IQSEC1: variants seen among roughly 807,000 people sequenced by gnomAD.
The protein encoded by IQSEC1 is IQ motif and Sec7 domain ArfGEF 1.
A neutral mutation model predicts 91.0 loss-of-function variants in IQSEC1; 31 were observed. The ratio of observed to expected loss-of-function variants is 0.34; its 90% CI spans 0.26 to 0.46. IQSEC1 has a LOEUF of 0.46. Ranked by LOEUF, IQSEC1 falls within the 20% of genes least tolerant of loss-of-function variation. The pLI, the probability that IQSEC1 is intolerant of heterozygous loss-of-function variation, is 1.00. For synonymous variants in IQSEC1, 699 were observed against 662.6 expected (o/e 1.05, Z -0.84); for missense variants, 1,388 against 1,575.6 (o/e 0.88, Z 2.02).
At chr3:13,116,438 C>A (rs908095271) in intron 2 of IQSEC1, among the ~76,000 whole-genome samples, 1 of 152,148 alleles carries the variant, frequency 6.6e-6, no homozygotes. Context: ...GAATAGAGAG[C>A]CCAGAAATAA....
intron 2 of IQSEC1, among the ~76,000 whole-genome samples, chr3:13,100,029 G>A (rs1270787454): frequency 8.0e-6 from 1 of 124,542 alleles, no homozygotes; most frequent in Non-Finnish European, 1.7e-5. Flanking sequence ...CTTCACTCTG[G>A]CGCAGGAGCC....
At chr3:12,901,761 C>G (rs1694336597) in intron 13 of IQSEC1, among the ~76,000 whole-genome samples, 1 of 152,064 alleles carries the variant, frequency 6.6e-6, no homozygotes, top group Non-Finnish European at 1.5e-5. Context: ...GGGGAGGGGC[C>G]CATCTCTCTG....
rs576931892 is a variant in IQSEC1 at position 12,897,933 on chromosome 3, T to TA, written c.*3049dup. The TA allele has an allele frequency of 5.3e-5, 8 of 152,236 alleles. No individual in the cohort carries two copies. The highest frequency in any genetic ancestry group is 2.0e-4 in the Admixed American group (3 of 15,286). 9.4% of individuals were successfully genotyped at this position (152,236 alleles called of 1,614,324 possible). ...TTGTTGTACAATTCATTGGTAAACT[T>TA]AAAAAAATACAAATACATGATTTGA... On this transcript the variant is annotated 3_prime_UTR_variant, in exon 14 of 14. Coordinates refer to ENST00000613206, the MANE Select transcript of IQSEC1 (RefSeq NM_001134382.3).
intron 1 of IQSEC1, among the ~76,000 whole-genome samples, chr3:12,950,496 G>A (rs967291739): frequency 4.6e-5 from 7 of 152,058 alleles, no homozygotes; most frequent in African/African-American, 1.7e-4. Context: ...GCAAGACCCT[G>A]TCTCCACAAA....
chr3:13,205,902 C>T, intron 1 of IQSEC1, among the ~76,000 whole-genome samples: 1 of 149,748 alleles, frequency 6.7e-6, no homozygotes, highest in East Asian at 2.0e-4. Context: ...CCCCCATCCC[C>T]CATCCATCCA....
chr3:12,925,259 C>T (rs1233254826), intron 3 of IQSEC1, among the ~76,000 whole-genome samples: 1 of 152,224 alleles, frequency 6.6e-6, no homozygotes, highest in Non-Finnish European at 1.5e-5. Flanking sequence ...GAACCCTCCC[C>T]GCCTGCCAAC....
At chr3:12,993,422 G>A (rs1009837609) in intron 1 of IQSEC1, among the ~76,000 whole-genome samples, 8 of 152,106 alleles carry the variant, frequency 5.3e-5, no homozygotes, top group Admixed American at 5.2e-4. Context: ...GACCCTGGAC[G>A]CGGTGGCGGG....
intron 2 of IQSEC1, among the ~76,000 whole-genome samples, chr3:13,158,469 G>A (rs368810746): frequency 1.3e-5 from 2 of 152,164 alleles, no homozygotes; most frequent in Admixed American, 6.5e-5. Flanking sequence ...GACTAATTAC[G>A]TTTACTCACA....
At chr3:12,901,653 G>C (rs1045818719) in intron 13 of IQSEC1, 131 bp from the exon 14 acceptor site, 1 of 766,826 alleles carries the variant, frequency 1.3e-6, no homozygotes, top group African/African-American at 1.8e-5. Context: ...TGGCCAGAGG[G>C]TGGGGCTCAG....
intron 2 of IQSEC1, among the ~76,000 whole-genome samples, chr3:13,095,575 T>C (rs931691710): frequency 1.3e-4 from 20 of 151,592 alleles, no homozygotes; most frequent in South Asian, 8.6e-4. Context: ...TCCCCCCTCC[T>C]TTCCCAGCCA....
chr3:13,075,890 G>C (rs985054324), upstream of IQSEC1, among the ~76,000 whole-genome samples: 1 of 152,174 alleles, frequency 6.6e-6, no homozygotes, highest in Non-Finnish European at 1.5e-5. Context: ...CAGGCAGTGA[G>C]AGGTCAGAGA....
chr3:13,231,398 G>A (rs887443971), intron 1 of IQSEC1, among the ~76,000 whole-genome samples: 22 of 152,308 alleles, frequency 1.4e-4, no homozygotes, highest in East Asian at 1.9e-4. Context: ...CACAGGTTGG[G>A]AAGTCCAGAT....
chr3:13,154,466 T>C lies in IQSEC1; in HGVS notation c.302+9638A>G, dbSNP rs1298076250. ...ATATATATATATATATATATATATA[T>C]ATATATATATGCAAAAACTGATACA... On this transcript the variant is annotated intron_variant, in intron 2 of 15. Coordinates refer to the IQSEC1 transcript ENST00000648114. Among the ~76,000 whole-genome samples the C allele has an allele frequency of 2.0e-4, 24 of 122,000 alleles. 5 individuals carry two copies. Among genetic ancestry groups the C allele is most frequent in the East Asian group, 7.4e-4 (3 of 4,030 alleles). 80.0% of individuals were successfully genotyped at this position (122,000 alleles called of 152,430 possible).
Position 12,924,624 on chromosome 3 carries a change from A to G in IQSEC1, c.1687T>C (p.Phe563Leu). Reference sequence around the variant, plus strand: ...AACTGCTTCTGCCGGTTGCCCAGGAACTCGCCGATCATCTGCCGGCTGAGG... The same window carrying G: ...AACTGCTTCTGCCGGTTGCCCAGGAGCTCGCCGATCATCTGCCGGCTGAGG... ...KGLSRQMIGE[F>L]LGNRQKQFNR... is the part of the protein sequence containing the mutation. The change falls in exon 4 of 14, where the codon TTC (phenylalanine) becomes CTC (leucine). Residue 563 changes from phenylalanine to leucine, a missense_variant. Phe to Leu is a conservative substitution (Grantham distance 22). Around this residue, in one of 2 missense-constraint regions of IQSEC1, gnomAD observed 1,059 missense variants for 1,317.8 expected, o/e 0.80. Transcript: ENST00000613206. The surrounding 1 kb of genome is among the most constrained non-coding windows in gnomAD (Gnocchi z 6.3). 6.2e-7 allele frequency: 1 copy of G among 1,610,044 alleles called. No individual in the cohort carries two copies.
At position 12,908,517 on chromosome 3, in the gene IQSEC1, C is replaced by T. The variant is rs1462102870; in HGVS notation, c.2587G>A (p.Glu863Lys). 3.7e-6 allele frequency: 6 copies of T among 1,613,556 alleles called. No individual in the cohort carries two copies. The highest frequency in any genetic ancestry group is 1.1e-5 in the South Asian group (1 of 91,060). The part of the protein sequence containing the change: ...MEKHRIESEL[E>K]KQKGVVRPSM... ...GGCCGCACGACGCCTTTCTGCTTCT[C>T]GAGCTCCGCTGGAACAGAGAGGGTG... Residue 863 changes from glutamate to lysine, a missense_variant, in exon 12 of 14, where the codon GAG becomes AAG. Coordinates refer to ENST00000613206, the MANE Select transcript of IQSEC1 (RefSeq NM_001134382.3). This position sits in a 1 kb window ranked among gnomAD's most constrained non-coding sequence, Gnocchi z 4.9.
chr3:13,084,398 G>T (rs919745092), intron 2 of IQSEC1, among the ~76,000 whole-genome samples: 1 of 152,156 alleles, frequency 6.6e-6, no homozygotes, highest in Non-Finnish European at 1.5e-5. Context: ...AACATCCCAG[G>T]GGGTAGCCTG....
At chr3:13,112,550 G>C (rs940488511) in intron 2 of IQSEC1, among the ~76,000 whole-genome samples, 5 of 152,148 alleles carry the variant, frequency 3.3e-5, no homozygotes, top group African/African-American at 1.2e-4. Flanking sequence ...GTCTAGGGTG[G>C]TCAGGGAGGG....
At chr3:13,180,430 C>T (rs113813264) in intron 1 of IQSEC1, among the ~76,000 whole-genome samples, 12 of 151,898 alleles carry the variant, frequency 7.9e-5, no homozygotes, top group Non-Finnish European at 1.8e-4. Flanking sequence ...GTCTAGCTCA[C>T]GGATTATAAA....
At position 12,908,634 on chromosome 3, in the gene IQSEC1, G is replaced by A. The variant is rs1695247728; in HGVS notation, c.2579-109C>T. The A allele has an allele frequency of 3.4e-6, 4 of 1,192,192 alleles. No homozygotes were observed. In the South Asian group the frequency reaches 5.4e-5, roughly 16 times the overall value. 73.9% of individuals were successfully genotyped at this position (1,192,192 alleles called of 1,614,324 possible). A position where few individuals can be genotyped will look rare whatever the true frequency, so the allele number is the denominator to read the frequency against. On this transcript the variant is annotated intron_variant, in intron 11 of 13. Transcript: ENST00000613206. The surrounding 1 kb of genome is among the most constrained non-coding windows in gnomAD (Gnocchi z 4.9). ...ACTGTCCTGAGCCACCATCTGCTTG[G>A]AATGGGGAAGGGTTGTTTCTGGGAA...
Sources: allele counts gnomAD v4.1 joint callset (sites outside exome capture counted in the v4.1 genomes callset), GRCh38; gene constraint gnomAD v4.1.1; regional missense constraint gnomAD v4.1.1; non-coding constraint Gnocchi (gnomAD v3.1); transcripts MANE v1.5; gene names NCBI Gene and HGNC (gene_info 2026-07-23, HGNC 2026-07-21).